Variants in USP34 observed in about 807,000 individuals in gnomAD.
USP34 encodes ubiquitin carboxyl-terminal hydrolase 34.
Under a neutral mutation model 460.3 loss-of-function variants are expected in USP34, and 70 were observed. The observed-to-expected ratio is 0.15, with a 90% CI of 0.13 to 0.19. The LOEUF is 0.19. Ranked by LOEUF, USP34 falls within the 10% of genes least tolerant of loss-of-function variation. The probability of loss-of-function intolerance (pLI) is 1.00; values close to 1 mark genes in which losing one functional copy is unlikely to be tolerated. For missense variants in USP34, 3,985 were observed against 4,236.2 expected, an observed-to-expected ratio of 0.94 and a Z score of 1.65; for synonymous variants, 1,647 against 1,405.3, an observed-to-expected ratio of 1.17 and a Z score of -3.85.
chr2:61,319,598 A>G (rs1690851985), intron 21 of USP34, among the ~76,000 whole-genome samples: 1 of 151,968 alleles, frequency 6.6e-6, no homozygotes, highest in Non-Finnish European at 1.5e-5. Flanking sequence ...TAATCCTAGC[A>G]CTTTGGGAGG....
chr2:61,220,281 G>C, intron 67 of USP34, 29 bp downstream of exon 67: 1 of 1,577,196 alleles, frequency 6.3e-7, no homozygotes, highest in Non-Finnish European at 8.6e-7. Context: ...TAAATAAATG[G>C]TTTATGAAAT....
chr2:61,433,313 A>G (rs550323439), intron 1 of USP34, among the ~76,000 whole-genome samples: 2 of 152,192 alleles, frequency 1.3e-5, no homozygotes, highest in South Asian at 4.1e-4. Flanking sequence ...CACTCCCATT[A>G]CCACCACAAA....
chr2:61,320,350 T>A (rs894087033), intron 21 of USP34, among the ~76,000 whole-genome samples: 1 of 152,102 alleles, frequency 6.6e-6, no homozygotes, highest in African/African-American at 2.4e-5. Context: ...CCCATACTCA[T>A]TCAGATTGGG....
intron 2 of USP34, among the ~76,000 whole-genome samples, chr2:61,410,014 C>G (rs1225531077): frequency 1.3e-5 from 2 of 152,124 alleles, no homozygotes; most frequent in Admixed American, 6.5e-5. Flanking sequence ...ATTCTCAATA[C>G]GGCGTTTCCC....
intron 11 of USP34, 80 bp downstream of exon 11, chr2:61,350,488 G>T: frequency 1.3e-6 from 2 of 1,551,066 alleles, no homozygotes; most frequent in Non-Finnish European, 8.7e-7. Context: ...ACAATAAAAT[G>T]AAAGTTAAAT....
chr2:61,348,314 A>G lies in USP34; in HGVS notation c.1841T>C (p.Ile614Thr), dbSNP rs1691834490. Residue 614 changes from isoleucine (I) to threonine (T), a missense_variant, in exon 15 of 80, where the codon ATT becomes ACT. This residue lies in a region of USP34 where 716 missense variants were observed against 626.2 expected (regional missense o/e 1.14). Coordinates refer to ENST00000398571, the MANE Select transcript of USP34 (RefSeq NM_014709.4). ...SPGSEVQSEDIADIEALKEED... is the reference protein window; with the variant it reads ...SPGSEVQSEDTADIEALKEED... ...CTCTTTGAGGGCTTCAATATCTGCA[A>G]TGTCTTCTGACTGTACCTCACTGCC... The G allele has an allele frequency of 1.9e-6, 3 of 1,614,124 alleles. No homozygotes were observed. In the East Asian group the frequency reaches 6.7e-5, roughly 36 times the overall value.
At chr2:61,323,188 T>G (rs1690979012) in intron 21 of USP34, among the ~76,000 whole-genome samples, 1 of 152,092 alleles carries the variant, frequency 6.6e-6, no homozygotes, top group Non-Finnish European at 1.5e-5. Flanking sequence ...CAGACCAGGC[T>G]GGGCAACATA....
intron 3 of USP34, among the ~76,000 whole-genome samples, chr2:61,404,960 G>C (rs974274410): frequency 1.3e-5 from 2 of 152,040 alleles, no homozygotes; most frequent in African/African-American, 4.8e-5. Context: ...AGGGGTGGTG[G>C]CTCACGTCTG....
chr2:61,344,895 G>A (rs756459685), intron 15 of USP34, among the ~76,000 whole-genome samples: 4 of 152,152 alleles, frequency 2.6e-5, no homozygotes, highest in Non-Finnish European at 1.5e-5. Context: ...GTGGAATCTA[G>A]AGATAAGGCT....
rs1461865426 is a variant in USP34, at chr2:61,214,698, T to C, written c.8048-4A>G. 3 of 1,612,674 alleles carry C rather than the reference T, an allele frequency of 1.9e-6. No individual in the cohort carries two copies. Among genetic ancestry groups the C allele is most frequent in the African/African-American group, 1.3e-5 (1 of 74,870 alleles). ...GACACCAGAAGATAAGCTGCAGCTA[T>C]AAAATGTAAAACAAAACTGTCAGAT... On this transcript the variant is annotated splice_polypyrimidine_tract_variant and splice_region_variant and intron_variant, in intron 67 of 79. Transcript: ENST00000398571.
intron 50 of USP34, 44 bp downstream of exon 50, chr2:61,246,280 C>T (rs1436118651): frequency 1.4e-6 from 2 of 1,408,932 alleles, no homozygotes; most frequent in East Asian, 2.6e-5. Context: ...TATCAGAAAA[C>T]TACCATAAAT....
intron 21 of USP34, among the ~76,000 whole-genome samples, chr2:61,320,864 G>A (rs1303683894): frequency 6.6e-6 from 1 of 152,108 alleles, no homozygotes; most frequent in Non-Finnish European, 1.5e-5. Flanking sequence ...ACAAAAATTA[G>A]CCAGGCGTGG....
chr2:61,420,510 C>T (rs1694324666), intron 2 of USP34, among the ~76,000 whole-genome samples: 1 of 152,098 alleles, frequency 6.6e-6, no homozygotes, highest in Non-Finnish European at 1.5e-5. Context: ...ATTTCTGTGA[C>T]TCTCATATCC....
At chr2:61,311,318 A>G (rs187741565) in intron 27 of USP34, among the ~76,000 whole-genome samples, 1 of 152,312 alleles carries the variant, frequency 6.6e-6, no homozygotes, top group African/African-American at 2.4e-5. Flanking sequence ...AGCCCTCACC[A>G]GATGCTGGTA....
chr2:61,370,324 T>G lies in USP34; in HGVS notation c.1248A>C (p.Ala416=), dbSNP rs780995493. The change falls in exon 10 of 80, where the codon GCA becomes GCC. Residue 416 remains alanine, a synonymous_variant. Coordinates refer to ENST00000398571, the MANE Select transcript of USP34 (RefSeq NM_014709.4). ...AAATGTGAGCTGTTAATATTACCTG[T>G]GCTGCAGCCCAAATACAGTCAATAT... ...TQHIDCIWAA[A]QLKHCSRYIH... 1.2e-6 allele frequency: 2 copies of G among 1,613,854 alleles called. No individual in the cohort carries two copies.
chr2:61,277,987 G>A (rs147981901), intron 41 of USP34, 178 bp downstream of exon 41: 10 of 782,752 alleles, frequency 1.3e-5, no homozygotes, highest in African/African-American at 7.1e-5. Flanking sequence ...CTTCCGGCAC[G>A]ATTGTGAGGC....
At chr2:61,426,483 C>G (rs377176513) in intron 1 of USP34, among the ~76,000 whole-genome samples, 4 of 151,926 alleles carry the variant, frequency 2.6e-5, no homozygotes, top group Non-Finnish European at 4.4e-5. Flanking sequence ...CTGGGGGTGG[C>G]GGTGGCTACG....
intron 10 of USP34, among the ~76,000 whole-genome samples, chr2:61,362,641 GAAAT>G (rs1369535571): frequency 2.0e-5 from 3 of 152,180 alleles, no homozygotes; most frequent in Admixed American, 6.5e-5. Context: ...GGAGGAGAGA[GAAAT>G]AAGTTGACAT....
intron 8 of USP34, among the ~76,000 whole-genome samples, chr2:61,372,488 G>A (rs1054433907): frequency 1.3e-4 from 20 of 152,104 alleles, no homozygotes; most frequent in African/African-American, 4.8e-4. Flanking sequence ...TAGCACTTTG[G>A]GAGACTGAGG....
Sources: allele counts gnomAD v4.1 joint callset (sites outside exome capture counted in the v4.1 genomes callset), GRCh38; gene constraint gnomAD v4.1.1; regional missense constraint gnomAD v4.1.1; transcripts MANE v1.5; gene names NCBI Gene and HGNC (gene_info 2026-07-23, HGNC 2026-07-21).